The following FZD3 variants were observed in gnomAD, a reference collection of about 807,000 sequenced individuals.
FZD3 encodes the protein frizzled-3.
A neutral mutation model predicts 60.7 loss-of-function variants in FZD3; 30 were observed. The observed-to-expected ratio is 0.49, with a 90% CI of 0.37 to 0.67. The LOEUF (loss-of-function observed/expected upper bound fraction) is 0.67. Ranked by LOEUF, FZD3 falls within the 30% of genes least tolerant of loss-of-function variation. FZD3 has a pLI of 0.00. For missense variants in FZD3, 605 were observed against 838.7 expected, an observed-to-expected ratio of 0.72 and a Z score of 3.44; for synonymous variants, 246 against 275.2, an observed-to-expected ratio of 0.89 and a Z score of 1.05.
intron 1 of FZD3, among the ~76,000 whole-genome samples, chr8:28,496,699 A>G (rs1803853895): frequency 6.6e-6 from 1 of 152,204 alleles, no homozygotes; most frequent in African/African-American, 2.4e-5. Flanking sequence ...CTATGTCAAA[A>G]AATGAGTTTC....
intron 5 of FZD3, among the ~76,000 whole-genome samples, chr8:28,545,893 C>T (rs766270063): frequency 9.9e-5 from 15 of 152,088 alleles, no homozygotes; most frequent in African/African-American, 1.4e-4. Flanking sequence ...AACCGTAGAC[C>T]GCATATGCGA....
intron 5 of FZD3, among the ~76,000 whole-genome samples, chr8:28,551,081 T>C (rs1309890248): frequency 1.3e-5 from 2 of 152,074 alleles, no homozygotes; most frequent in Non-Finnish European, 2.9e-5. Flanking sequence ...ATCTATCATC[T>C]ATCTAGATAG....
chr8:28,545,975 A>G (rs965846615), intron 5 of FZD3, among the ~76,000 whole-genome samples: 4 of 152,216 alleles, frequency 2.6e-5, no homozygotes, highest in African/African-American at 7.2e-5. Context: ...AGATACCCAA[A>G]TATTTAATAT....
chr8:28,509,880 G>C (rs1172847309), intron 3 of FZD3, among the ~76,000 whole-genome samples: 1 of 152,178 alleles, frequency 6.6e-6, no homozygotes, highest in Non-Finnish European at 1.5e-5. Context: ...GGAGTATTAT[G>C]AATAGTGTTG....
At chr8:28,554,092 G>A (rs1336274686) in intron 6 of FZD3, among the ~76,000 whole-genome samples, 1 of 152,198 alleles carries the variant, frequency 6.6e-6, no homozygotes, top group Non-Finnish European at 1.5e-5. Context: ...TCAAATTAAT[G>A]TTCTCCCCTT....
chr8:28,494,707 G>C (rs940906983), intron 1 of FZD3, among the ~76,000 whole-genome samples: 6 of 152,064 alleles, frequency 3.9e-5, no homozygotes, highest in Admixed American at 2.6e-4. Flanking sequence ...ACCTGTGCGA[G>C]TGTGGACCGC....
intron 3 of FZD3, among the ~76,000 whole-genome samples, chr8:28,507,813 G>C (rs1396228023): frequency 1.4e-5 from 2 of 144,072 alleles, no homozygotes; most frequent in African/African-American, 5.1e-5. Context: ...TAACATATTT[G>C]ATGTTTTAAA....
intron 3 of FZD3, among the ~76,000 whole-genome samples, chr8:28,516,933 T>G (rs1281166110): frequency 6.6e-6 from 1 of 152,192 alleles, no homozygotes. Context: ...ATTAGTGTTC[T>G]TCTGACGCTC....
intron 4 of FZD3, among the ~76,000 whole-genome samples, chr8:28,523,059 C>T (rs13282744): frequency 0.53 from 80,784 of 151,978 alleles, 22,001 homozygotes; most frequent in South Asian, 0.63. Context: ...CGTGAGCCAC[C>T]GTGCCCAGCC....
At chr8:28,536,456 C>G (rs1805016336) in intron 5 of FZD3, among the ~76,000 whole-genome samples, 1 of 152,080 alleles carries the variant, frequency 6.6e-6, no homozygotes, top group Non-Finnish European at 1.5e-5. Flanking sequence ...GCCTGTAATC[C>G]CAGCACTTTG....
At chr8:28,548,946 T>C (rs1805354110) in intron 5 of FZD3, among the ~76,000 whole-genome samples, 1 of 152,236 alleles carries the variant, frequency 6.6e-6, no homozygotes, top group Non-Finnish European at 1.5e-5. Context: ...GTCTCTTTTG[T>C]TATAGTTTGT....
At position 28,555,743 on chromosome 8, in the gene FZD3, T is replaced by C; in HGVS notation, c.1559T>C (p.Val520Ala). Residue 520 changes from valine (V) to alanine (A), a missense_variant, in exon 7 of 8, where the codon GTG (valine) becomes GCG (alanine). By Grantham distance (64) the Val-to-Ala change is moderately conservative. Coordinates refer to ENST00000240093, the MANE Select transcript of FZD3 (RefSeq NM_017412.4). ...CTTACTATTTTGTTGTCTAGGATAG[T>C]GAATGAGAGCCGACAGGTACTCCAG... Reference protein sequence around the residue: ...FFHGRRKKEIVNESRQVLQEP... With the variant: ...FFHGRRKKEIANESRQVLQEP... 1 of 1,591,310 alleles carries C rather than the reference T, an allele frequency of 6.3e-7. No homozygotes were observed. The highest frequency in any genetic ancestry group is 1.1e-5 in the South Asian group (1 of 90,572).
chr8:28,532,560 G>A (rs1804906429), intron 5 of FZD3, among the ~76,000 whole-genome samples: 1 of 151,500 alleles, frequency 6.6e-6, no homozygotes, highest in African/African-American at 2.4e-5. Context: ...CCAAGTAGGT[G>A]GGGCTTACAG....
intron 5 of FZD3, among the ~76,000 whole-genome samples, chr8:28,541,937 A>G (rs1336662283): frequency 8.5e-5 from 13 of 152,066 alleles, no homozygotes; most frequent in African/African-American, 2.9e-4. Flanking sequence ...GTAATTCACA[A>G]TGGCCTTCCT....
chr8:28,503,069 A>G lies in FZD3; in HGVS notation c.56A>G (p.His19Arg). 1.9e-6 allele frequency: 3 copies of G among 1,613,820 alleles called. No individual in the cohort carries two copies. Among genetic ancestry groups the G allele is most frequent in the Admixed American group, 1.7e-5 (1 of 60,014 alleles). The change falls in exon 3 of 8, where the codon CAT (histidine) becomes CGT (arginine). Residue 19 changes from histidine (H) to arginine (R), a missense_variant. His to Arg is a conservative substitution (Grantham distance 29). Transcript: ENST00000240093. ...SLWPLTVFMG[H>R]IGGHSLFSCE... is the part of the protein sequence containing the mutation. The stretch of plus-strand genomic sequence containing the variant: ...TGGCCCTTGACTGTGTTCATGGGGC[A>G]TATAGGTGGGCACAGTTTGTTTTCT...
chr8:28,552,029 G>C (rs972910915), intron 6 of FZD3, among the ~76,000 whole-genome samples: 1 of 152,162 alleles, frequency 6.6e-6, no homozygotes, highest in Non-Finnish European at 1.5e-5. Flanking sequence ...AATTCAAATT[G>C]TAATTTTCTT....
intron 3 of FZD3, among the ~76,000 whole-genome samples, chr8:28,511,214 C>T (rs1156246367): frequency 6.6e-6 from 1 of 151,526 alleles, no homozygotes; most frequent in Admixed American, 6.6e-5. Context: ...TGGCCGGGCA[C>T]AGTGGGTCTA....
chr8:28,557,936 TAATA>T (rs1401173613), intron 7 of FZD3, among the ~76,000 whole-genome samples: 5 of 152,212 alleles, frequency 3.3e-5, no homozygotes, highest in African/African-American at 9.7e-5. Context: ...GAAAACCATT[TAATA>T]AATCATAGAA....
chr8:28,505,220 G>A (rs1804104655), intron 3 of FZD3: 1 of 154,644 alleles, frequency 6.5e-6, no homozygotes, highest in South Asian at 2.0e-4. Context: ...GCAGGCACAA[G>A]TAATTGGAGC....
Sources: allele counts gnomAD v4.1 joint callset (sites outside exome capture counted in the v4.1 genomes callset), GRCh38; gene constraint gnomAD v4.1.1; transcripts MANE v1.5; gene names NCBI Gene and HGNC (gene_info 2026-07-23, HGNC 2026-07-21).